Variants in CEP170B observed in about 807,000 individuals in gnomAD.
CEP170B encodes centrosomal protein 170B.
A neutral mutation model predicts 120.6 loss-of-function variants in CEP170B; 55 were observed. The observed-to-expected ratio is 0.46, with a 90% CI of 0.37 to 0.57. CEP170B has a LOEUF of 0.57. Ranked by LOEUF, CEP170B falls within the 20% of genes least tolerant of loss-of-function variation. The pLI, the probability that CEP170B is intolerant of heterozygous loss-of-function variation, is 0.00. For synonymous variants in CEP170B, 1,033 were observed against 954.5 expected (o/e 1.08, Z -1.52); for missense variants, 2,212 against 2,253.3 (o/e 0.98, Z 0.37).
rs1276413650 is a variant in CEP170B, at chr14:104,886,798, C to T, written c.2559C>T (p.Ser853=). The T allele has an allele frequency of 6.2e-6, 10 of 1,611,546 alleles. No homozygotes were observed. Among genetic ancestry groups the T allele is most frequent in the Non-Finnish European group, 8.5e-6 (10 of 1,179,826 alleles). ...TCATCCAGCTACGGCCTGGACGGTC[C>T]CCAGAACCCGACGGCCCTGCCCCAG... ...RMVIQLRPGR[S]PEPDGPAPAF... Residue 853 remains serine, a synonymous_variant, in exon 12 of 19, where the codon TCC becomes TCT. Coordinates refer to ENST00000414716, the MANE Select transcript of CEP170B (RefSeq NM_001112726.3).
Position 104,893,658 on chromosome 14 carries a change from C to A in CEP170B, c.4174C>A (p.Arg1392=). The A allele has an allele frequency of 6.3e-7, 1 of 1,586,582 alleles. No homozygotes were observed. The highest frequency in any genetic ancestry group is 8.6e-7 in the Non-Finnish European group (1 of 1,167,566). ...ALANKTRPRN[R]EEVIFDNLML... ...GGCCAACAAGACGCGGCCTCGGAAC[C>A]GAGAGGAGGCACGGTGCCCACTACC... is the stretch of plus-strand genomic sequence containing the variant. The change falls in exon 15 of 19, where the codon CGA becomes AGA. Residue 1392 remains arginine, a synonymous_variant. Transcript: ENST00000414716.
Position 104,868,828 on chromosome 14 carries a change from G to A in CEP170B, c.105+273G>A, listed in dbSNP as rs1444012574. On this transcript the variant is annotated intron_variant, in intron 2 of 18. Transcript: ENST00000414716. The surrounding 1 kb of genome is among the most constrained non-coding windows in gnomAD (Gnocchi z 5.9). The stretch of plus-strand genomic sequence containing the variant: ...AGGAGGGGGCTTAGGCTTTTGTCAG[G>A]TTCTCAAAGTTGTTGGGGTCCCTAG... Among the ~76,000 whole-genome samples, 1 of 152,180 alleles carries A rather than the reference G, an allele frequency of 6.6e-6. No homozygotes were observed. The highest frequency in any genetic ancestry group is 1.5e-5 in the Non-Finnish European group (1 of 68,024).
intron 16 of CEP170B, 121 bp from the exon 17 acceptor site, chr14:104,894,164 C>G (rs1896979785): frequency 1.2e-6 from 1 of 809,140 alleles, no homozygotes; most frequent in African/African-American, 1.7e-5. Flanking sequence ...CAGTTTCCCC[C>G]TTAGGCCCAG....
In CEP170B at chr14:104,887,044, C is replaced by T. The variant is rs746216323; in HGVS notation, c.2805C>T (p.Ala935=). The T allele has an allele frequency of 7.4e-6, 12 of 1,611,342 alleles. No homozygotes were observed. Among genetic ancestry groups the T allele is most frequent in the East Asian group, 4.5e-5 (2 of 44,876 alleles). Residue 935 remains alanine (A), a synonymous_variant, in exon 12 of 19, where the codon GCC becomes GCT. Transcript: ENST00000414716. ...GACTCCTCTCTAATTCTGTGGATGC[C>T]GAGTGTGAGGGGGGCAGCACCCCGA... The part of the protein sequence containing the change: ...EARLLSNSVD[A]ECEGGSTPRP...
At chr14:104,873,054 G>C (rs1895656802) in intron 2 of CEP170B, among the ~76,000 whole-genome samples, 1 of 152,148 alleles carries the variant, frequency 6.6e-6, no homozygotes, top group Non-Finnish European at 1.5e-5. Context: ...CTGGAGGCTC[G>C]GCCAAGTGAG....
chr14:104,887,674 G>T lies in CEP170B; in HGVS notation c.3435G>T (p.Gly1145=). 6.3e-7 allele frequency: 1 copy of T among 1,574,928 alleles called. No individual in the cohort carries two copies. Residue 1145 remains glycine, a synonymous_variant, in exon 12 of 19, where the codon GGG becomes GGT. Transcript: ENST00000414716. ...SDTEAADGER[G]SLGNPEPVGR... Reference sequence around the variant, plus strand: ...CTGAGGCTGCGGATGGTGAGCGGGGGTCCCTGGGCAACCCTGAGCCCGTGG... The same window carrying T: ...CTGAGGCTGCGGATGGTGAGCGGGGTTCCCTGGGCAACCCTGAGCCCGTGG...
intron 16 of CEP170B, chr14:104,894,084 G>A (rs909521421): frequency 1.5e-5 from 10 of 651,944 alleles, no homozygotes; most frequent in East Asian, 8.2e-5. Flanking sequence ...CCCTCATCCC[G>A]GGCCCAGCCC....
Position 104,876,236 on chromosome 14 carries a change from C to G in CEP170B, c.106-20C>G, listed in dbSNP as rs1490179933. ...CCTCCTCCCCTGGAGCACCTGAGGG[C>G]TGGCTGTGTGTCTCTCCAGTCCCGC... is the stretch of plus-strand genomic sequence containing the variant. On this transcript the variant is annotated intron_variant, in intron 2 of 18. Transcript: ENST00000414716. The G allele has an allele frequency of 6.5e-7, 1 of 1,549,978 alleles. No homozygotes were observed. Among genetic ancestry groups the G allele is most frequent in the African/African-American group, 1.4e-5 (1 of 72,990 alleles).
At chr14:104,878,954 G>C (rs1251982146) in intron 5 of CEP170B, among the ~76,000 whole-genome samples, 9 of 152,232 alleles carry the variant, frequency 5.9e-5, no homozygotes, top group Non-Finnish European at 1.2e-4. Context: ...CACCCTGCAG[G>C]AGAGTGCAGC....
Position 104,880,365 on chromosome 14 carries a change from A to G in CEP170B, c.412A>G (p.Thr138Ala). 6.2e-7 allele frequency: 1 copy of G among 1,612,660 alleles called. No homozygotes were observed. The highest frequency in any genetic ancestry group is 1.1e-5 in the South Asian group (1 of 90,996). Reference sequence around the variant, plus strand: ...GAGGAGCGAGGCACTGCCGGAACACACACCATACTGCGAGGCCTCGAACCC... The same window carrying G: ...GAGGAGCGAGGCACTGCCGGAACACGCACCATACTGCGAGGCCTCGAACCC... ...PKRSEALPEH[T>A]PYCEASNPRP... The change falls in exon 6 of 19, where the codon ACA becomes GCA. Residue 138 changes from threonine to alanine, a missense_variant. Thr to Ala is a moderately conservative substitution (Grantham distance 58). Coordinates refer to ENST00000414716, the MANE Select transcript of CEP170B (RefSeq NM_001112726.3).
chr14:104,887,278 C>T lies in CEP170B; in HGVS notation c.3039C>T (p.His1013=). ...AGCAGTCCTCAGAGAGGCAGCATCA[C>T]CCACTTGGCCCGACGGACATGGGCC... The part of the protein sequence containing the change: ...AREQSSERQH[H]PLGPTDMGRG... Residue 1013 remains histidine (H), a synonymous_variant, in exon 12 of 19, where the codon CAC becomes CAT. Coordinates refer to ENST00000414716, the MANE Select transcript of CEP170B (RefSeq NM_001112726.3). The T allele has an allele frequency of 6.2e-7, 1 of 1,608,918 alleles. No homozygotes were observed.
rs543191668 is a variant in CEP170B at position 104,887,164 on chromosome 14, C to T, written c.2925C>T (p.Thr975=). The T allele has an allele frequency of 4.4e-6, 7 of 1,608,566 alleles. No individual in the cohort carries two copies. In the Admixed American group the frequency reaches 5.0e-5, roughly 11 times the overall value. Residue 975 remains threonine (T), a synonymous_variant, in exon 12 of 19, where the codon ACC becomes ACT. Transcript: ENST00000414716. ...RSGKSGPSPT[T]PQPLRAQKEM... ...GCAAGAGCGGGCCCAGCCCCACAAC[C>T]CCCCAGCCTCTGCGGGCACAGAAGG...
chr14:104,893,911 C>T, intron 16 of CEP170B, 62 bp downstream of exon 16: 1 of 1,466,118 alleles, frequency 6.8e-7, no homozygotes, highest in Non-Finnish European at 9.4e-7. Flanking sequence ...TGAGCTGAGA[C>T]TCAGCCTGGC....
chr14:104,874,353 C>T (rs560897950), intron 2 of CEP170B, among the ~76,000 whole-genome samples: 30 of 152,272 alleles, frequency 2.0e-4, no homozygotes, highest in African/African-American at 6.5e-4. Flanking sequence ...ACAGGGTGGA[C>T]CTGGAGGTGG....
intron 5 of CEP170B, 118 bp from the exon 6 acceptor site, chr14:104,880,169 C>A: frequency 7.3e-7 from 1 of 1,374,974 alleles, no homozygotes; most frequent in Non-Finnish European, 9.9e-7. Context: ...TTAGGGAGAG[C>A]TTGTGACATG....
rs2582554 is a variant in CEP170B, at chr14:104,884,322, G to A, written c.1543G>A (p.Ala515Thr). Residue 515 changes from alanine (A) to threonine (T), a missense_variant, in exon 9 of 19, where the codon GCC (alanine) becomes ACC (threonine). By Grantham distance (58) the Ala-to-Thr change is moderately conservative. Transcript: ENST00000414716. ...AQCLRESSPA[A>T]RPSPEKVPPV... ...GTGTCTGCGGGAGAGCTCCCCGGCC[G>A]CCCGGCCCAGCCCCGAGAAGGTTCC... 620 of 1,542,450 alleles carry A rather than the reference G, an allele frequency of 4.0e-4. 2 individuals are homozygous for A. The African/African-American group carries it at 7.1e-3, about 18-fold the overall frequency.
chr14:104,893,503 G>T lies in CEP170B; in HGVS notation c.4039-20G>T. 6.3e-7 allele frequency: 1 copy of T among 1,595,642 alleles called. No homozygotes were observed. The highest frequency in any genetic ancestry group is 2.3e-5 in the East Asian group (1 of 43,956). ...GGAGCCTCTGCCTGGGGCCCACGGT[G>T]CCGGCCCTCCCTCTTGCAGCTGGTG... On this transcript the variant is annotated intron_variant, in intron 14 of 18. Coordinates refer to ENST00000414716, the MANE Select transcript of CEP170B (RefSeq NM_001112726.3).
intron 2 of CEP170B, among the ~76,000 whole-genome samples, chr14:104,869,461 G>A (rs1374824214): frequency 6.6e-6 from 1 of 152,222 alleles, no homozygotes; most frequent in Non-Finnish European, 1.5e-5. Flanking sequence ...TCAGGCTGTG[G>A]TGAGGGGTCC....
At position 104,884,435 on chromosome 14, in the gene CEP170B, G is replaced by A. The variant is rs1185304710; in HGVS notation, c.1656G>A (p.Leu552=). The stretch of plus-strand genomic sequence containing the variant: ...CGCCCGCCCCCACGGACCCCCAGCT[G>A]ACCAAGGCACGGAAACAGGAGGAGG... ...TPPPAPTDPQ[L]TKARKQEEDD... The change falls in exon 9 of 19, where the codon CTG becomes CTA. Residue 552 remains leucine, a synonymous_variant. Transcript: ENST00000414716. 6.4e-6 allele frequency: 10 copies of A among 1,551,042 alleles called. No individual in the cohort carries two copies. Among genetic ancestry groups the A allele is most frequent in the African/African-American group, 1.4e-5 (1 of 73,212 alleles).
Sources: gnomAD v4.1 joint callset for allele counts (sites outside exome capture counted in the v4.1 genomes callset) on GRCh38, gnomAD v4.1.1 for gene constraint, Gnocchi (gnomAD v3.1) non-coding constraint, MANE v1.5 for transcripts, NCBI Gene and HGNC (gene_info 2026-07-23, HGNC 2026-07-21) for gene names.